Variants in MYRIP observed in about 807,000 individuals in gnomAD.
MYRIP encodes myosin VIIA and Rab interacting protein.
Under a neutral mutation model 98.0 loss-of-function variants are expected in MYRIP, and 49 were observed. The ratio of observed to expected loss-of-function variants is 0.50; its 90% CI spans 0.40 to 0.63. The LOEUF is 0.63. Among genes scored for constraint, MYRIP ranks in the 30% least tolerant of loss-of-function variants. The probability of loss-of-function intolerance (pLI) is 0.00; values close to 1 mark genes in which losing one functional copy is unlikely to be tolerated. For synonymous variants in MYRIP, 404 were observed against 409.5 expected (o/e 0.99, Z 0.16); for missense variants, 1,004 against 1,058.2 (o/e 0.95, Z 0.71).
At chr3:39,840,602 GT>G (rs1268511035) in intron 1 of MYRIP, among the ~76,000 whole-genome samples, 1 of 152,194 alleles carries the variant, frequency 6.6e-6, no homozygotes, top group Non-Finnish European at 1.5e-5. Flanking sequence ...GCTGGTACCA[GT>G]TTTTCCTTTC....
intron 3 of MYRIP, among the ~76,000 whole-genome samples, chr3:40,084,038 G>A (rs900909004): frequency 1.3e-5 from 2 of 148,684 alleles, no homozygotes; most frequent in Non-Finnish European, 3.0e-5. Context: ...TCAGGAGGCT[G>A]AGGCAGGAGA....
Position 39,957,715 on chromosome 3 carries a change from A to G in MYRIP, c.110+56789A>G, listed in dbSNP as rs568555008. 2.4e-4 allele frequency among the ~76,000 whole-genome samples: 36 copies of G among 152,288 alleles called. 1 individual carries two copies. Among genetic ancestry groups the G allele is most frequent in the Admixed American group, 6.5e-4 (10 of 15,280 alleles). The stretch of plus-strand genomic sequence containing the variant: ...AGGAGAAAGAAATAAAGGGTATTCA[A>G]TTAGAAAAGGAGGAAGTCAAATTGT... On this transcript the variant is annotated intron_variant, in intron 2 of 16. Coordinates refer to ENST00000302541, the MANE Select transcript of MYRIP (RefSeq NM_015460.4).
chr3:39,897,538 A>T (rs904196004), intron 1 of MYRIP, among the ~76,000 whole-genome samples: 1 of 152,232 alleles, frequency 6.6e-6, no homozygotes, highest in Non-Finnish European at 1.5e-5. Context: ...TCTGGAAGTT[A>T]GGAGCACCTG....
At chr3:40,065,764 T>A (rs956290494) in intron 3 of MYRIP, among the ~76,000 whole-genome samples, 1 of 152,148 alleles carries the variant, frequency 6.6e-6, no homozygotes, top group Admixed American at 6.5e-5. Flanking sequence ...TTGTCCCCCA[T>A]CTCAATGCAT....
rs72858634 is a variant in MYRIP at position 40,238,771 on chromosome 3, A to T, written c.2100+4718A>T. ...AGCAAAATGGGAAAAAAAGGAAAAA[A>T]AAATAAAAATACTTCTGAAGGTTTC... On this transcript the variant is annotated intron_variant, in intron 12 of 16. Transcript: ENST00000302541. The T allele has an allele frequency of 2.0e-3, 302 of 152,346 alleles. 1 individual carries two copies. Among genetic ancestry groups the T allele is most frequent in the African/African-American group, 7.0e-3 (291 of 41,586 alleles). 9.4% of individuals were successfully genotyped at this position (152,346 alleles called of 1,614,324 possible).
rs1252428932 is a variant in MYRIP, at chr3:39,907,429, G to C, written c.110+6503G>C. The stretch of plus-strand genomic sequence containing the variant: ...CTGGATAATCGACAGTGAGAGGAAG[G>C]GCCTGTATTACTTCCAGGTCGGGGC... On this transcript the variant is annotated intron_variant, in intron 2 of 16. Coordinates refer to ENST00000302541, the MANE Select transcript of MYRIP (RefSeq NM_015460.4). Among the ~76,000 whole-genome samples, 7 of 152,202 alleles carry C rather than the reference G, an allele frequency of 4.6e-5. No individual in the cohort carries two copies. In the East Asian group the frequency reaches 1.4e-3, roughly 29 times the overall value.
chr3:40,169,332 T>C (rs1336371141), intron 7 of MYRIP, among the ~76,000 whole-genome samples: 1 of 152,212 alleles, frequency 6.6e-6, no homozygotes, highest in Non-Finnish European at 1.5e-5. Context: ...ATGCCCATCT[T>C]GGTGGCTTAG....
intron 3 of MYRIP, among the ~76,000 whole-genome samples, chr3:40,098,738 CA>C (rs1395881398): frequency 3.5e-5 from 2 of 56,962 alleles, no homozygotes; most frequent in South Asian, 6.5e-4. Flanking sequence ...CTGTCTCTCT[CA>C]TTGTGTGTGT....
chr3:40,020,527 G>A (rs1946968378), intron 2 of MYRIP, among the ~76,000 whole-genome samples: 1 of 152,180 alleles, frequency 6.6e-6, no homozygotes, highest in Non-Finnish European at 1.5e-5. Context: ...GAACAGACAA[G>A]TGACCAACCT....
At chr3:40,059,595 A>T (rs1947962364) in intron 3 of MYRIP, among the ~76,000 whole-genome samples, 2 of 151,646 alleles carry the variant, frequency 1.3e-5, no homozygotes, top group Admixed American at 6.6e-5. Flanking sequence ...TGTTTCTTTG[A>T]TTGGTGATCT....
intron 3 of MYRIP, among the ~76,000 whole-genome samples, chr3:40,085,021 T>C (rs1033821534): frequency 1.3e-5 from 2 of 151,132 alleles, no homozygotes; most frequent in Non-Finnish European, 3.0e-5. Flanking sequence ...ATAGATAATA[T>C]ATATCTATGT....
At chr3:40,061,227 C>G (rs1002305006) in intron 3 of MYRIP, among the ~76,000 whole-genome samples, 5 of 152,188 alleles carry the variant, frequency 3.3e-5, no homozygotes, top group Non-Finnish European at 7.3e-5. Context: ...GCTCCTCTCC[C>G]TTCTCCTACC....
chr3:39,886,465 A>G (rs542530445), intron 1 of MYRIP, among the ~76,000 whole-genome samples: 3 of 149,734 alleles, frequency 2.0e-5, no homozygotes, highest in East Asian at 3.9e-4. Context: ...AGAGACACAC[A>G]TAGGCTCAAA....
chr3:39,907,195 A>G (rs1394658886), intron 2 of MYRIP, among the ~76,000 whole-genome samples: 1 of 152,222 alleles, frequency 6.6e-6, no homozygotes. Flanking sequence ...TATCTGGCAG[A>G]CAAAATTTTA....
At chr3:40,245,328 G>GGAC (rs1287370376) in intron 13 of MYRIP, among the ~76,000 whole-genome samples, 2 of 152,060 alleles carry the variant, frequency 1.3e-5, no homozygotes, top group Non-Finnish European at 2.9e-5. Context: ...TATATTCTTG[G>GGAC]GACCCATGAC....
intron 1 of MYRIP, among the ~76,000 whole-genome samples, chr3:39,825,314 A>T (rs2125577759): frequency 6.6e-6 from 1 of 152,240 alleles, no homozygotes; most frequent in East Asian, 1.9e-4. Context: ...ATTCAGTATG[A>T]TGTTAGCTGT....
chr3:39,823,464 C>T (rs1405347476), intron 1 of MYRIP, among the ~76,000 whole-genome samples: 1 of 152,146 alleles, frequency 6.6e-6, no homozygotes, highest in Non-Finnish European at 1.5e-5. Flanking sequence ...TTTTACACTC[C>T]CACCAACAGT....
At chr3:40,150,239 C>A (rs545494292) in intron 3 of MYRIP, among the ~76,000 whole-genome samples, 2 of 152,104 alleles carry the variant, frequency 1.3e-5, no homozygotes, top group South Asian at 4.2e-4. Flanking sequence ...TACAGGCATG[C>A]GCCACCACAC....
At chr3:40,188,150 A>T (rs549301350) in intron 9 of MYRIP, among the ~76,000 whole-genome samples, 10 of 152,310 alleles carry the variant, frequency 6.6e-5, no homozygotes, top group African/African-American at 2.4e-4. Context: ...TGTTGAAAAC[A>T]TATGTTCCAC....
Sources: gnomAD v4.1 joint callset for allele counts (sites outside exome capture counted in the v4.1 genomes callset) on GRCh38, gnomAD v4.1.1 for gene constraint, MANE v1.5 for transcripts, NCBI Gene and HGNC (gene_info 2026-07-23, HGNC 2026-07-21) for gene names.